The following SLC14A2 variants were observed in gnomAD, a reference collection of about 807,000 sequenced individuals.
SLC14A2 encodes the protein solute carrier family 14 member 2, also known as urea transporter 2.
A neutral mutation model predicts 104.6 loss-of-function variants in SLC14A2; 91 were observed. The observed-to-expected ratio is 0.87, with a 90% CI of 0.73 to 1.04. The LOEUF (loss-of-function observed/expected upper bound fraction) is 1.04, where lower values mean the gene tolerates loss of function less well. Among genes scored for constraint, SLC14A2 ranks in the 50% least tolerant of loss-of-function variants. The pLI is 0.00. For synonymous variants in SLC14A2, 476 were observed against 466.4 expected (o/e 1.02, Z -0.27); for missense variants, 1,189 against 1,156.0 (o/e 1.03, Z -0.41).
chr18:45,664,589 A>C (rs1422379432), intron 11 of SLC14A2, among the ~76,000 whole-genome samples: 1 of 152,194 alleles, frequency 6.6e-6, no homozygotes, highest in Non-Finnish European at 1.5e-5. Context: ...GCCCAGAGTC[A>C]CACAGCTGAC....
At chr18:45,450,499 C>T (rs2086840697) in intron 1 of SLC14A2, among the ~76,000 whole-genome samples, 1 of 152,186 alleles carries the variant, frequency 6.6e-6, no homozygotes, top group Non-Finnish European at 1.5e-5. Context: ...CCCCTTGGCT[C>T]TCCACTGCTT....
chr18:45,579,391 T>C (rs2044458449), intron 2 of SLC14A2, among the ~76,000 whole-genome samples: 1 of 152,218 alleles, frequency 6.6e-6, no homozygotes, highest in Non-Finnish European at 1.5e-5. Context: ...AATATTACCA[T>C]GGAAGATTTT....
chr18:45,355,182 G>A (rs2085540266), intron 1 of SLC14A2, among the ~76,000 whole-genome samples: 1 of 152,148 alleles, frequency 6.6e-6, no homozygotes, highest in Non-Finnish European at 1.5e-5. Flanking sequence ...TTCGCAAGGA[G>A]ACAATGTATA....
intron 2 of SLC14A2, among the ~76,000 whole-genome samples, chr18:45,510,911 C>T (rs1406610013): frequency 6.6e-6 from 1 of 152,194 alleles, no homozygotes; most frequent in Non-Finnish European, 1.5e-5. Context: ...GTACACAGCA[C>T]TCACACACAT....
At chr18:45,584,280 C>T (rs937474928) in intron 2 of SLC14A2, among the ~76,000 whole-genome samples, 4 of 152,144 alleles carry the variant, frequency 2.6e-5, no homozygotes, top group African/African-American at 9.7e-5. Context: ...GTCTTGTGGG[C>T]TAGACTAATT....
chr18:45,593,935 C>T (rs77605953), intron 2 of SLC14A2, among the ~76,000 whole-genome samples: 3,932 of 152,306 alleles, frequency 0.026, 171 homozygotes, highest in African/African-American at 0.087. Flanking sequence ...CTGGCCAGAC[C>T]GTCACCCCTA....
chr18:45,360,477 A>T (rs1444158292), intron 1 of SLC14A2, among the ~76,000 whole-genome samples: 1 of 152,224 alleles, frequency 6.6e-6, no homozygotes, highest in Non-Finnish European at 1.5e-5. Context: ...ACTTGTCAAA[A>T]TCTCAAGCCA....
intron 1 of SLC14A2, among the ~76,000 whole-genome samples, chr18:45,260,140 G>A (rs1215077372): frequency 6.6e-6 from 1 of 152,100 alleles, no homozygotes; most frequent in Non-Finnish European, 1.5e-5. Context: ...TCACGAAATA[G>A]GAGAACATTG....
At chr18:45,330,429 G>T (rs1205536952) in intron 1 of SLC14A2, among the ~76,000 whole-genome samples, 2 of 152,202 alleles carry the variant, frequency 1.3e-5, no homozygotes. Flanking sequence ...CTTCTGATGG[G>T]AGGCTGGGAA....
At chr18:45,563,499 A>G (rs2144316354) in intron 2 of SLC14A2, among the ~76,000 whole-genome samples, 1 of 152,374 alleles carries the variant, frequency 6.6e-6, no homozygotes, top group Non-Finnish European at 1.5e-5. Flanking sequence ...ACACATTTTA[A>G]AAAGCTGACA....
At chr18:45,207,727 C>CA in the SLC14A2 span, among the ~76,000 whole-genome samples, 1 of 152,090 alleles carries the variant, frequency 6.6e-6, no homozygotes, top group African/African-American at 2.4e-5. Context: ...AACACACAGA[C>CA]ATAGGGGAAT....
At chr18:45,211,616 CCCT>C (rs1234460330), upstream of SLC14A2, among the ~76,000 whole-genome samples, 2 of 152,160 alleles carry the variant, frequency 1.3e-5, no homozygotes, top group Non-Finnish European at 2.9e-5. Flanking sequence ...TCTGCTCTCT[CCCT>C]CCTCTGCTTT....
chr18:45,417,293 A>T (rs1006177637), intron 1 of SLC14A2, among the ~76,000 whole-genome samples: 1 of 152,022 alleles, frequency 6.6e-6, no homozygotes, highest in African/African-American at 2.4e-5. Context: ...TTTCTTTTTC[A>T]ACTTCCTTGG....
chr18:45,491,413 T>C (rs1215287804), intron 2 of SLC14A2, among the ~76,000 whole-genome samples: 1 of 152,112 alleles, frequency 6.6e-6, no homozygotes, highest in Non-Finnish European at 1.5e-5. Context: ...ATATGCATAA[T>C]AGAAGCATAA....
At chr18:45,347,233 A>G (rs1434189619) in intron 1 of SLC14A2, among the ~76,000 whole-genome samples, 3 of 150,798 alleles carry the variant, frequency 2.0e-5, no homozygotes, top group African/African-American at 4.9e-5. Context: ...GCATGCACCT[A>G]TAGTCCCAGC....
chr18:45,248,845 T>G (rs2084393115), intron 1 of SLC14A2, among the ~76,000 whole-genome samples: 1 of 152,212 alleles, frequency 6.6e-6, no homozygotes, highest in African/African-American at 2.4e-5. Context: ...CTCCTCTCTC[T>G]TCTAAACAGG....
At chr18:45,576,604 T>G (rs1433695481) in intron 2 of SLC14A2, among the ~76,000 whole-genome samples, 1 of 152,000 alleles carries the variant, frequency 6.6e-6, no homozygotes, top group Non-Finnish European at 1.5e-5. Context: ...GCTTCTTCAG[T>G]GTCTGGCACC....
intron 10 of SLC14A2, among the ~76,000 whole-genome samples, chr18:45,648,195 C>CTTTTTTTTTTTTTATTTTTTTTTTTT (rs2045655525): frequency 9.9e-6 from 1 of 101,246 alleles, no homozygotes; most frequent in Non-Finnish European, 1.9e-5. Context: ...CTAGTTAATG[C>CTTTTTTTTTTTTTATTTTTTTTTTTT]TTTTTTTTTT....
intron 1 of SLC14A2, chr18:45,435,170 T>A (rs1198693668): frequency 6.6e-6 from 1 of 152,166 alleles, no homozygotes; most frequent in Non-Finnish European, 1.5e-5. Context: ...TGGAGTTAGT[T>A]TCCCAGAAGA....
Sources: gnomAD v4.1 joint callset for allele counts (sites outside exome capture counted in the v4.1 genomes callset) on GRCh38, gnomAD v4.1.1 for gene constraint, MANE v1.5 for transcripts, NCBI Gene and HGNC (gene_info 2026-07-23, HGNC 2026-07-21) for gene names.